The following CEP350 variants were observed in gnomAD, a reference collection of about 807,000 sequenced individuals.
CEP350 encodes centrosome-associated protein 350.
In CEP350, 126 loss-of-function variants were observed where a neutral mutation model predicts 331.8. The observed-to-expected ratio is 0.38, with a 90% confidence interval of 0.33 to 0.44. The LOEUF (loss-of-function observed/expected upper bound fraction) is 0.44, where lower values mean the gene tolerates loss of function less well. Among genes scored for constraint, CEP350 ranks in the 20% least tolerant of loss-of-function variants. CEP350 has a pLI of 1.00. For synonymous variants in CEP350, 1,200 were observed against 1,259.5 expected (o/e 0.95, Z 1.00); for missense variants, 3,406 against 3,634.6 (o/e 0.94, Z 1.62).
intron 7 of CEP350, among the ~76,000 whole-genome samples, 184 bp downstream of exon 7, chr1:180,003,471 A>C (rs1654005496): frequency 6.6e-6 from 1 of 152,174 alleles, no homozygotes; most frequent in Admixed American, 6.5e-5. Flanking sequence ...TCCAGGGTTA[A>C]AATTAGCTTA....
At chr1:180,078,286 CTG>C (rs1186572769) in intron 28 of CEP350, among the ~76,000 whole-genome samples, 175 bp from the exon 29 acceptor site, 1 of 152,116 alleles carries the variant, frequency 6.6e-6, no homozygotes, top group Admixed American at 6.5e-5. Flanking sequence ...GACAAATAGA[CTG>C]TGAAATAGAT....
chr1:180,098,095 T>G (rs1041627345), intron 36 of CEP350, among the ~76,000 whole-genome samples: 2 of 152,102 alleles, frequency 1.3e-5, no homozygotes, highest in African/African-American at 4.8e-5. Context: ...CTCAGCCTCC[T>G]GAGTAGCTGG....
chr1:180,052,464 G>A (rs762442996), intron 22 of CEP350: 63 of 263,442 alleles, frequency 2.4e-4, no homozygotes, highest in Non-Finnish European at 2.7e-4. Context: ...GTACCAGAAA[G>A]GGAAGAAGTA....
At chr1:180,017,648 T>G (rs1242102277) in intron 11 of CEP350, among the ~76,000 whole-genome samples, 2 of 152,252 alleles carry the variant, frequency 1.3e-5, no homozygotes, top group African/African-American at 2.4e-5. Flanking sequence ...TCTAACTTAT[T>G]GCGTCCACTT....
intron 17 of CEP350, among the ~76,000 whole-genome samples, chr1:180,038,390 A>C (rs181981409): frequency 6.6e-6 from 1 of 152,090 alleles, no homozygotes; most frequent in East Asian, 1.9e-4. Flanking sequence ...ATATGTTTTC[A>C]TTTTTCTTGT....
chr1:180,042,557 A>G (rs9425851), intron 19 of CEP350, among the ~76,000 whole-genome samples: 75,400 of 151,910 alleles, frequency 0.5, 22,963 homozygotes, highest in East Asian at 0.65. Context: ...AGAAAATTAA[A>G]ATGTAGACAA....
intron 36 of CEP350, among the ~76,000 whole-genome samples, chr1:180,098,366 G>T (rs1660611844): frequency 6.6e-6 from 1 of 151,940 alleles, no homozygotes; most frequent in South Asian, 2.1e-4. Flanking sequence ...TTTTAGATAA[G>T]ATCTCGCTTT....
chr1:179,959,778 CTT>C (rs1477284051), intron 1 of CEP350, among the ~76,000 whole-genome samples: 3 of 152,090 alleles, frequency 2.0e-5, no homozygotes, highest in African/African-American at 2.4e-5. Context: ...AACAAAAAAA[CTT>C]TTGTTGGCAG....
At chr1:179,972,709 C>T (rs1651545166) in intron 1 of CEP350, among the ~76,000 whole-genome samples, 2 of 151,526 alleles carry the variant, frequency 1.3e-5, no homozygotes, top group African/African-American at 4.9e-5. Flanking sequence ...TGTAATGAAG[C>T]TGCCAGGAGG....
intron 26 of CEP350, 119 bp downstream of exon 26, chr1:180,062,485 T>A: frequency 8.1e-7 from 1 of 1,234,046 alleles, no homozygotes; most frequent in Non-Finnish European, 1.1e-6. Flanking sequence ...TGAACTAGGA[T>A]AAAGTTCTAT....
intron 28 of CEP350, among the ~76,000 whole-genome samples, chr1:180,077,012 T>C (rs913132527): frequency 7.9e-5 from 12 of 152,130 alleles, no homozygotes; most frequent in African/African-American, 2.9e-4. Context: ...CAGCATTGTG[T>C]AGAGGTCCTA....
At chr1:180,105,287 A>G (rs935681607) in intron 37 of CEP350, among the ~76,000 whole-genome samples, 5 of 151,808 alleles carry the variant, frequency 3.3e-5, no homozygotes, top group African/African-American at 1.2e-4. Context: ...AAATGTTGGC[A>G]TGCTCCTGGA....
At position 180,043,105 on chromosome 1, in the gene CEP350, G is replaced by T; in HGVS notation, c.4412G>T (p.Gly1471Val). 1 of 1,613,716 alleles carries T rather than the reference G, an allele frequency of 6.2e-7. No individual in the cohort carries two copies. Reference sequence around the variant, plus strand: ...ATCTCAGATGCTGTCGTGGCTTCAGGAGCTCCCCTTGCAATACTGTATGAC... The same window carrying T: ...ATCTCAGATGCTGTCGTGGCTTCAGTAGCTCCCCTTGCAATACTGTATGAC... ...THISDAVVAS[G>V]APLAILYDHQ... Residue 1471 changes from glycine to valine, a missense_variant, in exon 20 of 38, where the codon GGA (glycine) becomes GTA (valine). Around this residue, in one of 5 missense-constraint regions of CEP350, gnomAD observed 1,857 missense variants for 1,909.2 expected, o/e 0.97. Coordinates refer to ENST00000367607, the MANE Select transcript of CEP350 (RefSeq NM_014810.5).
At position 180,065,107 on chromosome 1, in the gene CEP350, G is replaced by C; in HGVS notation, c.5410-8G>C. On this transcript the variant is annotated splice_region_variant and splice_polypyrimidine_tract_variant and intron_variant, in intron 26 of 37. Transcript: ENST00000367607. ...GTCCAATACAATTTTGCCTCTTTTT[G>C]TTTGCAGGACTCTCATAGTGATGAT... 2.5e-6 allele frequency: 4 copies of C among 1,577,622 alleles called. No homozygotes were observed. The highest frequency in any genetic ancestry group is 3.4e-6 in the Non-Finnish European group (4 of 1,167,896).
chr1:180,000,706 C>CT (rs1653804863), intron 6 of CEP350: 1 of 164,028 alleles, frequency 6.1e-6, no homozygotes, highest in Admixed American at 6.3e-5. Flanking sequence ...GTCTTTGGTA[C>CT]TGTTCCCTTT....
chr1:180,037,053 T>C lies in CEP350; in HGVS notation c.4074T>C (p.Ala1358=). Residue 1358 remains alanine, a synonymous_variant, in exon 17 of 38, where the codon GCT becomes GCC. Coordinates refer to ENST00000367607, the MANE Select transcript of CEP350 (RefSeq NM_014810.5). The part of the protein sequence containing the change: ...DVERVRGISL[A]QQESVSLAQI... ...AAAGAGTTAGAGGCATTTCACTTGC[T>C]CAGCAGGAGAGTGTGTCTCTAGCTC... 6.2e-7 allele frequency: 1 copy of C among 1,605,770 alleles called. No individual in the cohort carries two copies. The highest frequency in any genetic ancestry group is 8.5e-7 in the Non-Finnish European group (1 of 1,175,940).
intron 22 of CEP350, among the ~76,000 whole-genome samples, chr1:180,050,106 C>G (rs1657388777): frequency 6.6e-6 from 1 of 152,156 alleles, no homozygotes; most frequent in African/African-American, 2.4e-5. Context: ...TCCAAAGAAA[C>G]CAAACCCTTA....
At chr1:180,045,033 TTTTATTGTTATAAAAAATA>T (rs539629445) in intron 21 of CEP350, among the ~76,000 whole-genome samples, 2,297 of 152,204 alleles carry the variant, frequency 0.015, 23 homozygotes, top group Middle Eastern at 0.051. Flanking sequence ...TGTTACAAAT[TTTTATTGTTATAAAAAATA>T]TTGAATAGGC....
At chr1:180,016,384 A>G (rs1654975844) in intron 11 of CEP350, among the ~76,000 whole-genome samples, 2 of 152,168 alleles carry the variant, frequency 1.3e-5, no homozygotes, top group Non-Finnish European at 2.9e-5. Flanking sequence ...CTACCTTTGG[A>G]TATGCTTGTG....
Sources: gnomAD v4.1 joint callset for allele counts (sites outside exome capture counted in the v4.1 genomes callset) on GRCh38, gnomAD v4.1.1 for gene constraint, gnomAD v4.1.1 regional missense constraint, MANE v1.5 for transcripts, NCBI Gene and HGNC (gene_info 2026-07-23, HGNC 2026-07-21) for gene names.